Variants in TENM2 observed in about 807,000 individuals in gnomAD.
TENM2 encodes teneurin-2.
A neutral mutation model predicts 245.2 loss-of-function variants in TENM2; 52 were observed. The observed-to-expected ratio is 0.21, with a 90% CI of 0.17 to 0.27. The LOEUF (loss-of-function observed/expected upper bound fraction) is 0.27, where lower values mean the gene tolerates loss of function less well. TENM2 is among the 10% of genes least tolerant of loss of function. The pLI is 1.00. For missense variants in TENM2, 3,046 were observed against 3,666.8 expected (o/e 0.83, Z 4.37); for synonymous variants, 1,363 against 1,438.9 (o/e 0.95, Z 1.19).
chr5:168,049,586 G>C (rs947211943), intron 6 of TENM2, among the ~76,000 whole-genome samples: 1 of 152,034 alleles, frequency 6.6e-6, no homozygotes, highest in South Asian at 2.1e-4. Flanking sequence ...ACCAGCTTTT[G>C]CATCCCACAC....
intron 12 of TENM2, among the ~76,000 whole-genome samples, chr5:168,134,318 A>C (rs1390254996): frequency 6.6e-6 from 1 of 152,200 alleles, no homozygotes; most frequent in African/African-American, 2.4e-5. Flanking sequence ...AGTACTTGGC[A>C]CAGTGCCTAC....
chr5:168,179,780 A>C lies in TENM2; in HGVS notation c.2570-10557A>C, dbSNP rs149555472. 6.0e-3 allele frequency among the ~76,000 whole-genome samples: 909 copies of C among 152,338 alleles called. 12 individuals carry two copies. Among genetic ancestry groups the C allele is most frequent in the African/African-American group, 0.02 (851 of 41,582 alleles). ...TCGAAGTCTCCCATTTCTCACCTGT[A>C]AATAATGATGTTAATAGCACCCAGG... On this transcript the variant is annotated intron_variant, in intron 13 of 28. Transcript: ENST00000518659.
At chr5:168,077,106 T>G (rs1791546826) in intron 7 of TENM2, among the ~76,000 whole-genome samples, 1 of 152,140 alleles carries the variant, frequency 6.6e-6, no homozygotes, top group African/African-American at 2.4e-5. Flanking sequence ...TTCAGTAGGG[T>G]TATTATGAGC....
the TENM2 span, among the ~76,000 whole-genome samples, chr5:167,243,512 ATTG>A: frequency 0.011 from 1,635 of 152,210 alleles, 11 homozygotes; most frequent in Non-Finnish European, 0.017. Context: ...AGCTCAAAGA[ATTG>A]TTGTAGTGAG....
chr5:167,573,507 T>C (rs1187408154), intron 2 of TENM2, among the ~76,000 whole-genome samples: 1 of 115,774 alleles, frequency 8.6e-6, no homozygotes, highest in Non-Finnish European at 1.8e-5. Flanking sequence ...TCTGTCTCTC[T>C]CTCTCTCTCT....
chr5:167,315,012 G>A (rs969846741), intron 1 of TENM2, among the ~76,000 whole-genome samples: 2 of 151,744 alleles, frequency 1.3e-5, no homozygotes, highest in Non-Finnish European at 2.9e-5. Context: ...GAGTTGATAT[G>A]CTACATTTTA....
chr5:168,084,875 G>C (rs1223450132), intron 7 of TENM2, among the ~76,000 whole-genome samples: 1 of 152,186 alleles, frequency 6.6e-6, no homozygotes, highest in Admixed American at 6.6e-5. Flanking sequence ...GCCCAGGTCT[G>C]ACCCTAGCAC....
intron 10 of TENM2, among the ~76,000 whole-genome samples, chr5:168,123,301 A>AAAAC (rs941298471): frequency 6.6e-6 from 1 of 152,178 alleles, no homozygotes; most frequent in East Asian, 1.9e-4. Flanking sequence ...CCTGTCTCAG[A>AAAAC]AAACAAACAA....
intron 2 of TENM2, among the ~76,000 whole-genome samples, chr5:167,638,068 A>G (rs1779320633): frequency 6.7e-6 from 1 of 149,106 alleles, no homozygotes; most frequent in South Asian, 2.1e-4. Context: ...TATGGTTTGG[A>G]CTATAAAGAC....
At chr5:167,071,878 G>GCT in the TENM2 span, among the ~76,000 whole-genome samples, 1 of 124,024 alleles carries the variant, frequency 8.1e-6, no homozygotes, top group Admixed American at 9.2e-5. Flanking sequence ...TTGACAAATC[G>GCT]CCCCCCCCCG....
chr5:168,191,712 C>T (rs1379740172), intron 14 of TENM2, among the ~76,000 whole-genome samples: 2 of 152,142 alleles, frequency 1.3e-5, no homozygotes, highest in Non-Finnish European at 2.9e-5. Context: ...GGCTTCCAAG[C>T]AGGGAAGAAA....
At chr5:167,655,820 T>A (rs1402028877) in intron 2 of TENM2, among the ~76,000 whole-genome samples, 3 of 152,222 alleles carry the variant, frequency 2.0e-5, no homozygotes, top group Non-Finnish European at 2.9e-5. Flanking sequence ...ATATGGAGAA[T>A]GTCTAAGACA....
the TENM2 span, among the ~76,000 whole-genome samples, chr5:167,212,616 CT>C: frequency 6.6e-6 from 1 of 152,136 alleles, no homozygotes; most frequent in Non-Finnish European, 1.5e-5. Context: ...AACCATTCCC[CT>C]GATGATGAAA....
chr5:167,565,947 G>GT (rs1289580894), intron 2 of TENM2, among the ~76,000 whole-genome samples: 15 of 152,050 alleles, frequency 9.9e-5, no homozygotes, highest in African/African-American at 3.6e-4. Flanking sequence ...TTGTTTGTTT[G>GT]TTGTTGTTGT....
chr5:167,648,756 C>A (rs1052668229), intron 2 of TENM2, among the ~76,000 whole-genome samples: 1 of 152,174 alleles, frequency 6.6e-6, no homozygotes, highest in African/African-American at 2.4e-5. Flanking sequence ...GGATATCTCA[C>A]CTTTTGATGT....
At chr5:167,615,933 T>A (rs1185578371) in intron 2 of TENM2, among the ~76,000 whole-genome samples, 1 of 152,160 alleles carries the variant, frequency 6.6e-6, no homozygotes, top group Non-Finnish European at 1.5e-5. Context: ...TTAGATAGAA[T>A]TTTAGCTTCC....
At chr5:168,252,431 A>G (rs1246828861) in intron 27 of TENM2, among the ~76,000 whole-genome samples, 2 of 151,092 alleles carry the variant, frequency 1.3e-5, no homozygotes, top group Non-Finnish European at 2.9e-5. Flanking sequence ...GACTTTTCCA[A>G]TTTTAGCATC....
the TENM2 span, among the ~76,000 whole-genome samples, chr5:167,124,454 A>C: frequency 6.6e-6 from 1 of 152,198 alleles, no homozygotes; most frequent in African/African-American, 2.4e-5. Flanking sequence ...ACCTTATATA[A>C]AACCTTGCCC....
chr5:167,395,703 A>G (rs973897365), intron 2 of TENM2, among the ~76,000 whole-genome samples: 1 of 152,198 alleles, frequency 6.6e-6, no homozygotes, highest in African/African-American at 2.4e-5. Context: ...AACAAAGTGC[A>G]GTGACTCTTG....
Sources: gnomAD v4.1 joint callset for allele counts (sites outside exome capture counted in the v4.1 genomes callset) on GRCh38, gnomAD v4.1.1 for gene constraint, MANE v1.5 for transcripts, NCBI Gene and HGNC (gene_info 2026-07-23, HGNC 2026-07-21) for gene names.